The following HAGH variants were observed in gnomAD, a reference collection of about 807,000 sequenced individuals.
HAGH encodes the protein hydroxyacylglutathione hydrolase, mitochondrial.
A neutral mutation model predicts 35.1 loss-of-function variants in HAGH; 29 were observed. The observed-to-expected ratio is 0.83, with a 90% CI of 0.62 to 1.13. HAGH has a LOEUF of 1.13. HAGH is among the 50% of genes most tolerant of loss of function. HAGH has a pLI of 0.00. For synonymous variants in HAGH, 225 were observed against 176.1 expected, an observed-to-expected ratio of 1.28 and a Z score of -2.20; for missense variants, 478 against 419.6, an observed-to-expected ratio of 1.14 and a Z score of -1.22.
At chr16:1,814,964 T>C (rs1305084709) in intron 7 of HAGH, among the ~76,000 whole-genome samples, 1 of 151,706 alleles carries the variant, frequency 6.6e-6, no homozygotes. Flanking sequence ...CACATATATA[T>C]ATATATCTCA....
At chr16:1,821,663 T>C (rs529888209) in intron 3 of HAGH, 1 of 152,418 alleles carries the variant, frequency 6.6e-6, no homozygotes, top group Non-Finnish European at 1.5e-5. Flanking sequence ...AGACGGAGTC[T>C]CGCTCTGTCA....
intron 7 of HAGH, among the ~76,000 whole-genome samples, chr16:1,814,709 A>G (rs7192399): frequency 6.6e-6 from 1 of 151,512 alleles, no homozygotes; most frequent in Non-Finnish European, 1.5e-5. Flanking sequence ...ACCTTCCTGG[A>G]TAACACGGTG....
chr16:1,819,287 C>G (rs991248476), intron 4 of HAGH, 64 bp from the exon 5 acceptor site: 1 of 1,064,488 alleles, frequency 9.4e-7, no homozygotes. Flanking sequence ...CCCGGGGTCA[C>G]GGCGCGCCGC....
chr16:1,809,315 C>T lies in HAGH; in HGVS notation c.895G>A (p.Glu299Lys). 1 of 1,613,698 alleles carries T rather than the reference C, an allele frequency of 6.2e-7. No homozygotes were observed. The highest frequency in any genetic ancestry group is 8.5e-7 in the Non-Finnish European group (1 of 1,179,760). Residue 299 changes from glutamate (E) to lysine (K), a missense_variant, in exon 9 of 9, where the codon GAG becomes AAG. Transcript: ENST00000397356. ...CGGGGCATCTTGAACTGGTCCTTCT[C>T]CCTGCGCACGGCCCGCATGGTGGTC... Reference protein sequence around the residue: ...PVTTMRAVRREKDQFKMPRD With the variant: ...PVTTMRAVRRKKDQFKMPRD
intron 1 of HAGH, 146 bp from the exon 2 acceptor site, chr16:1,823,183 G>C: frequency 1.4e-6 from 1 of 695,168 alleles, no homozygotes; most frequent in Non-Finnish European, 2.5e-6. Flanking sequence ...GGGAATCCCA[G>C]CGCTTTAAGA....
At chr16:1,823,958 A>C (rs991028028) in intron 1 of HAGH, among the ~76,000 whole-genome samples, 1 of 152,132 alleles carries the variant, frequency 6.6e-6, no homozygotes, top group Non-Finnish European at 1.5e-5. Context: ...CCCCGGACTC[A>C]GGGACAGAAT....
chr16:1,808,511 A>T lies in HAGH; in HGVS notation c.*772T>A, dbSNP rs1195747975. 1 of 152,204 alleles carries T rather than the reference A, an allele frequency of 6.6e-6. No individual in the cohort carries two copies. The highest frequency in any genetic ancestry group is 1.5e-5 in the Non-Finnish European group (1 of 68,106). 9.4% of individuals were successfully genotyped at this position (152,204 alleles called of 1,614,324 possible). A position where few individuals can be genotyped will look rare whatever the true frequency, so the allele number is the denominator to read the frequency against. Reference sequence around the variant, plus strand: ...GAGACGGGGTTTCACCATGTTAGCCAGGATGGACTCGATCTCCTGACCTCG... The same window carrying T: ...GAGACGGGGTTTCACCATGTTAGCCTGGATGGACTCGATCTCCTGACCTCG... On this transcript the variant is annotated 3_prime_UTR_variant, in exon 9 of 9. Coordinates refer to ENST00000397356, the MANE Select transcript of HAGH (RefSeq NM_005326.6).
Position 1,826,758 on chromosome 16 carries a change from G to A in HAGH, c.30C>T (p.Arg10=). Residue 10 remains arginine, a synonymous_variant, in exon 1 of 9, where the codon CGC becomes CGT. Transcript: ENST00000397356. The part of the protein sequence containing the change: MVVGRGLLG[R]RSLAALGAAC... ...CGGCTCCCAGCGCGGCGAGGCTGCG[G>A]CGGCCGAGCAGCCCTCGGCCCACCA... The A allele has an allele frequency of 5.8e-6, 7 of 1,207,106 alleles. No individual in the cohort carries two copies. The highest frequency in any genetic ancestry group is 7.2e-6 in the Non-Finnish European group (7 of 972,090). 74.8% of individuals were successfully genotyped at this position (1,207,106 alleles called of 1,614,324 possible).
chr16:1,826,273 G>T (rs903356617), intron 1 of HAGH, among the ~76,000 whole-genome samples: 1 of 151,322 alleles, frequency 6.6e-6, no homozygotes, highest in African/African-American at 2.4e-5. Context: ...CCGGCGCCGG[G>T]CGGGCAGCTC....
chr16:1,809,319 G>T lies in HAGH; in HGVS notation c.891C>A (p.Arg297=), dbSNP rs369286144. 5 of 1,613,560 alleles carry T rather than the reference G, an allele frequency of 3.1e-6. No individual in the cohort carries two copies. The highest frequency in any genetic ancestry group is 4.2e-6 in the Non-Finnish European group (5 of 1,179,764). The change falls in exon 9 of 9, where the codon CGC becomes CGA. Residue 297 remains arginine, a synonymous_variant. Coordinates refer to ENST00000397356, the MANE Select transcript of HAGH (RefSeq NM_005326.6). ...GCATCTTGAACTGGTCCTTCTCCCT[G>T]CGCACGGCCCGCATGGTGGTCACCG... ...TDPVTTMRAV[R]REKDQFKMPR... is the part of the protein sequence containing the mutation.
intron 7 of HAGH, among the ~76,000 whole-genome samples, chr16:1,811,645 G>A (rs1036804813): frequency 2.0e-5 from 3 of 151,888 alleles, no homozygotes; most frequent in Admixed American, 6.6e-5. Context: ...CCCGGGAGGC[G>A]GAGGCTGCAG....
intron 1 of HAGH, among the ~76,000 whole-genome samples, chr16:1,825,440 A>G (rs921414177): frequency 2.6e-5 from 4 of 152,196 alleles, no homozygotes; most frequent in African/African-American, 9.7e-5. Flanking sequence ...TTCCCTTTCC[A>G]TATCACTCAG....
At chr16:1,813,836 G>C (rs189836238) in intron 7 of HAGH, among the ~76,000 whole-genome samples, 18 of 152,174 alleles carry the variant, frequency 1.2e-4, no homozygotes, top group African/African-American at 3.6e-4. Context: ...TGCTGTCCTC[G>C]GACACCGTGG....
rs752965780 is a variant in HAGH at position 1,819,890 on chromosome 16, T to G, written c.432+7A>C. The G allele has an allele frequency of 6.4e-7, 1 of 1,571,370 alleles. No homozygotes were observed. On this transcript the variant is annotated splice_region_variant and intron_variant, in intron 4 of 8. Transcript: ENST00000397356. ...ACGCTGGAGCACCTCCAGGGCTCAC[T>G]CCTTACCTGCAGTGTGGACAGGTGA... is the stretch of plus-strand genomic sequence containing the variant.
At chr16:1,824,032 C>A (rs1227695034) in intron 1 of HAGH, among the ~76,000 whole-genome samples, 1 of 152,126 alleles carries the variant, frequency 6.6e-6, no homozygotes, top group Non-Finnish European at 1.5e-5. Flanking sequence ...GCAAGCTGTG[C>A]TGCCACCACT....
intron 7 of HAGH, 128 bp downstream of exon 7, chr16:1,816,765 C>T (rs1897910493): frequency 4.5e-6 from 3 of 668,820 alleles, no homozygotes; most frequent in South Asian, 1.7e-5. Context: ...CTGGGCCACA[C>T]TGGCCTGAAT....
intron 7 of HAGH, among the ~76,000 whole-genome samples, chr16:1,815,825 C>A (rs1053396248): frequency 2.6e-5 from 4 of 152,076 alleles, no homozygotes; most frequent in Admixed American, 2.6e-4. Flanking sequence ...TCAAGACGAG[C>A]CTGGCCAACA....
At chr16:1,817,682 G>A (rs1897967555) in intron 5 of HAGH, among the ~76,000 whole-genome samples, 1 of 152,238 alleles carries the variant, frequency 6.6e-6, no homozygotes, top group Non-Finnish European at 1.5e-5. Flanking sequence ...TGGCTGAGCT[G>A]AGCGGGACCA....
chr16:1,812,470 C>G (rs1372893707), intron 7 of HAGH: 1 of 149,704 alleles, frequency 6.7e-6, no homozygotes, highest in Non-Finnish European at 1.5e-5. Flanking sequence ...CGCCATTGCA[C>G]TCCAGCCTGG....
Sources: gnomAD v4.1 joint callset for allele counts (sites outside exome capture counted in the v4.1 genomes callset) on GRCh38, gnomAD v4.1.1 for gene constraint, MANE v1.5 for transcripts, NCBI Gene and HGNC (gene_info 2026-07-23, HGNC 2026-07-21) for gene names.